SGCZ: variants seen among roughly 807,000 people sequenced by gnomAD.
The protein encoded by SGCZ is sarcoglycan zeta, also known as zeta-sarcoglycan.
In SGCZ, 40 loss-of-function variants were observed where a neutral mutation model predicts 41.3. The observed-to-expected ratio is 0.97, with a 90% CI of 0.75 to 1.26. The LOEUF (loss-of-function observed/expected upper bound fraction) is 1.26. Ranked by LOEUF, SGCZ falls within the 50% of genes most tolerant of loss-of-function variation. The pLI is 0.00. For synonymous variants in SGCZ, 206 were observed against 137.5 expected (o/e 1.50, Z -3.49); for missense variants, 552 against 369.8 (o/e 1.49, Z -4.04).
intron 1 of SGCZ, among the ~76,000 whole-genome samples, chr8:14,761,837 A>G (rs1799891021): frequency 6.6e-6 from 1 of 152,038 alleles, no homozygotes; most frequent in Non-Finnish European, 1.5e-5. Context: ...CCGGCCCTGA[A>G]TTGCAGATGT....
intron 2 of SGCZ, among the ~76,000 whole-genome samples, chr8:14,360,252 T>C (rs920280734): frequency 4.6e-5 from 7 of 152,038 alleles, no homozygotes; most frequent in Admixed American, 4.6e-4. Context: ...GTTCCAGAAG[T>C]TCTAGCAAGA....
At chr8:14,315,035 TAA>T (rs1290756685) in intron 3 of SGCZ, among the ~76,000 whole-genome samples, 1 of 152,166 alleles carries the variant, frequency 6.6e-6, no homozygotes, top group Non-Finnish European at 1.5e-5. Flanking sequence ...ACGGATTAAT[TAA>T]AAGAGTCTGT....
chr8:14,372,942 G>C, intron 2 of SGCZ, among the ~76,000 whole-genome samples: 1 of 152,140 alleles, frequency 6.6e-6, no homozygotes, highest in East Asian at 1.9e-4. Flanking sequence ...GTAAGATTTT[G>C]AGCATAGATG....
chr8:14,771,874 C>A (rs184174540), intron 1 of SGCZ, among the ~76,000 whole-genome samples: 10 of 152,100 alleles, frequency 6.6e-5, no homozygotes, highest in Admixed American at 3.9e-4. Flanking sequence ...TAATTTGAAT[C>A]AATATATTTC....
intron 1 of SGCZ, among the ~76,000 whole-genome samples, chr8:14,780,476 A>G (rs1262461923): frequency 6.6e-6 from 1 of 152,072 alleles, no homozygotes; most frequent in Non-Finnish European, 1.5e-5. Context: ...ATAGCCTATC[A>G]TGTGTCATCT....
intron 4 of SGCZ, among the ~76,000 whole-genome samples, chr8:14,184,505 A>G (rs2117031139): frequency 6.6e-6 from 1 of 152,324 alleles, no homozygotes; most frequent in Non-Finnish European, 1.5e-5. Flanking sequence ...AATAAGATAT[A>G]AAGTTTCTGT....
At chr8:14,125,819 A>G (rs1802837060) in intron 5 of SGCZ, among the ~76,000 whole-genome samples, 1 of 152,164 alleles carries the variant, frequency 6.6e-6, no homozygotes, top group South Asian at 2.1e-4. Context: ...AAGTAAGACC[A>G]CACCTCTACA....
intron 1 of SGCZ, among the ~76,000 whole-genome samples, chr8:14,880,396 G>A (rs1017329710): frequency 1.3e-5 from 2 of 152,144 alleles, no homozygotes; most frequent in East Asian, 1.9e-4. Flanking sequence ...TCAGTGTGGT[G>A]ATTTCTCAGT....
At chr8:14,708,780 G>GT (rs769539554) in intron 1 of SGCZ, among the ~76,000 whole-genome samples, 15 of 151,102 alleles carry the variant, frequency 9.9e-5, no homozygotes, top group Non-Finnish European at 2.1e-4. Context: ...TATGGCTTCA[G>GT]TAAGAACACA....
chr8:14,274,280 C>G (rs956937348), intron 3 of SGCZ, among the ~76,000 whole-genome samples: 1 of 152,038 alleles, frequency 6.6e-6, no homozygotes, highest in African/African-American at 2.4e-5. Flanking sequence ...TTGTGGAGTT[C>G]ACTGGAAATT....
At chr8:14,395,217 G>A (rs749626979) in intron 2 of SGCZ, among the ~76,000 whole-genome samples, 54 of 152,102 alleles carry the variant, frequency 3.6e-4, no homozygotes, top group Non-Finnish European at 4.7e-4. Context: ...ACCACTTGGT[G>A]ATTCAAAAAT....
chr8:14,199,931 G>A (rs1025194104), intron 4 of SGCZ, among the ~76,000 whole-genome samples: 2 of 152,108 alleles, frequency 1.3e-5, no homozygotes, highest in Non-Finnish European at 2.9e-5. Flanking sequence ...TTTTGCTGTT[G>A]TAACTCAAAC....
chr8:15,117,287 AG>A (rs1807304041), intron 1 of SGCZ, among the ~76,000 whole-genome samples: 1 of 150,896 alleles, frequency 6.6e-6, no homozygotes, highest in South Asian at 2.1e-4. Context: ...TGAACCTGGG[AG>A]GGGGAGCTCG....
chr8:14,446,776 TAAAGTACTAAACA>T (rs753749473), intron 2 of SGCZ, among the ~76,000 whole-genome samples: 1 of 152,264 alleles, frequency 6.6e-6, no homozygotes, highest in Non-Finnish European at 1.5e-5. Flanking sequence ...TGGTATATAC[TAAAGTACTAAACA>T]AATGGATAGT....
At chr8:15,207,510 C>T (rs541705635) in intron 1 of SGCZ, among the ~76,000 whole-genome samples, 81 of 152,050 alleles carry the variant, frequency 5.3e-4, no homozygotes, top group Non-Finnish European at 9.1e-4. Context: ...ATAAAAGAGT[C>T]GGCAGAGAAG....
intron 2 of SGCZ, among the ~76,000 whole-genome samples, chr8:14,388,275 G>A (rs186780252): frequency 1.3e-3 from 203 of 152,150 alleles, no homozygotes; most frequent in Non-Finnish European, 2.4e-3. Context: ...TATCACAGTT[G>A]CAGCCATGTG....
At chr8:14,425,167 G>C (rs993587167) in intron 2 of SGCZ, among the ~76,000 whole-genome samples, 24 of 152,122 alleles carry the variant, frequency 1.6e-4, no homozygotes, top group African/African-American at 5.8e-4. Flanking sequence ...AAGCACTCCA[G>C]GGTTTCATGA....
chr8:14,529,629 C>CA (rs1309405738), intron 2 of SGCZ, among the ~76,000 whole-genome samples: 2 of 152,068 alleles, frequency 1.3e-5, no homozygotes, highest in African/African-American at 4.8e-5. Flanking sequence ...ACCCATATTA[C>CA]AAAAAGAGAA....
intron 5 of SGCZ, among the ~76,000 whole-genome samples, chr8:14,113,970 G>C (rs1194275998): frequency 6.6e-6 from 1 of 151,992 alleles, no homozygotes; most frequent in Non-Finnish European, 1.5e-5. Flanking sequence ...TATAGTATCT[G>C]TGAAACATTT....
Sources: gnomAD v4.1 joint callset for allele counts (sites outside exome capture counted in the v4.1 genomes callset) on GRCh38, gnomAD v4.1.1 for gene constraint, MANE v1.5 for transcripts, NCBI Gene and HGNC (gene_info 2026-07-23, HGNC 2026-07-21) for gene names.